FSHR: variants seen among roughly 807,000 people sequenced by gnomAD.
The protein encoded by FSHR is follicle stimulating hormone receptor, also known as follicle-stimulating hormone receptor.
In FSHR, 46 loss-of-function variants were observed where a neutral mutation model predicts 52.1. The observed-to-expected ratio is 0.88, with a 90% CI of 0.70 to 1.13. FSHR has a LOEUF of 1.13. FSHR is among the 50% of genes most tolerant of loss of function. The pLI is 0.00. For missense variants in FSHR, 964 were observed against 834.6 expected, an observed-to-expected ratio of 1.16 and a Z score of -1.91; for synonymous variants, 399 against 309.6, an observed-to-expected ratio of 1.29 and a Z score of -3.03.
At chr2:49,133,401 T>A (rs1672366565) in intron 1 of FSHR, among the ~76,000 whole-genome samples, 1 of 152,088 alleles carries the variant, frequency 6.6e-6, no homozygotes, top group African/African-American at 2.4e-5. Flanking sequence ...TACAAACCAC[T>A]GCTCAACGAA....
intron 1 of FSHR, among the ~76,000 whole-genome samples, chr2:49,129,506 A>G (rs933649360): frequency 2.6e-5 from 4 of 152,188 alleles, no homozygotes; most frequent in Non-Finnish European, 4.4e-5. Flanking sequence ...GAAGCACTCA[A>G]TCAGTCCTCA....
At chr2:49,103,364 T>TGA (rs1671103317) in intron 1 of FSHR, among the ~76,000 whole-genome samples, 2 of 152,096 alleles carry the variant, frequency 1.3e-5, no homozygotes, top group African/African-American at 4.8e-5. Context: ...CTGGCAAATC[T>TGA]CTCACAACAC....
At chr2:49,028,860 C>T (rs1668000681) in intron 2 of FSHR, among the ~76,000 whole-genome samples, 1 of 152,182 alleles carries the variant, frequency 6.6e-6, no homozygotes, top group Non-Finnish European at 1.5e-5. Flanking sequence ...AATACCAACC[C>T]AGACCACTCG....
intron 2 of FSHR, among the ~76,000 whole-genome samples, chr2:49,037,352 C>T (rs576440364): frequency 1.1e-4 from 17 of 152,306 alleles, no homozygotes; most frequent in African/African-American, 3.6e-4. Flanking sequence ...TATTTTCATA[C>T]CTACAGCATG....
chr2:49,124,103 C>T (rs552633921), intron 1 of FSHR, among the ~76,000 whole-genome samples: 10 of 151,672 alleles, frequency 6.6e-5, no homozygotes, highest in African/African-American at 2.4e-4. Context: ...AGGCAATTCT[C>T]TGTCTCAGCC....
intron 1 of FSHR, among the ~76,000 whole-genome samples, chr2:49,115,410 G>C (rs968037162): frequency 6.6e-6 from 1 of 152,064 alleles, no homozygotes; most frequent in African/African-American, 2.4e-5. Flanking sequence ...TGGAAAGATG[G>C]AAAAACGGCC....
At chr2:49,073,023 G>A (rs1036313482) in intron 1 of FSHR, among the ~76,000 whole-genome samples, 1 of 151,982 alleles carries the variant, frequency 6.6e-6, no homozygotes, top group Admixed American at 6.6e-5. Flanking sequence ...TATAGATAAA[G>A]GCATTATATT....
intron 9 of FSHR, 29 bp downstream of exon 9, chr2:48,968,669 C>G (rs1232320655): frequency 6.2e-7 from 1 of 1,612,192 alleles, no homozygotes; most frequent in African/African-American, 1.3e-5. Flanking sequence ...TGGGGAAATG[C>G]CTGAGCAGGG....
chr2:49,015,835 A>G (rs1215234841), intron 4 of FSHR, among the ~76,000 whole-genome samples: 1 of 152,172 alleles, frequency 6.6e-6, no homozygotes, highest in African/African-American at 2.4e-5. Context: ...AAGCATTTCA[A>G]GAAGGTAACA....
intron 2 of FSHR, among the ~76,000 whole-genome samples, chr2:49,058,350 C>T (rs1669144910): frequency 2.0e-5 from 3 of 152,028 alleles, no homozygotes; most frequent in African/African-American, 4.8e-5. Context: ...AGATTGAGAA[C>T]ATCCTGGCCA....
At chr2:49,098,230 A>G (rs1241575629) in intron 1 of FSHR, among the ~76,000 whole-genome samples, 1 of 152,206 alleles carries the variant, frequency 6.6e-6, no homozygotes, top group African/African-American at 2.4e-5. Flanking sequence ...ACTAAAATAC[A>G]AAGAAAAACA....
rs113007583 is a variant in FSHR at position 49,112,251 on chromosome 2, G to C, written c.152+42015C>G. Among the ~76,000 whole-genome samples the C allele has an allele frequency of 6.4e-3, 976 of 152,242 alleles. 3 individuals are homozygous for C. Among genetic ancestry groups the C allele is most frequent in the Non-Finnish European group, 0.011 (764 of 68,004 alleles). ...GGGTAATGTATATGCATTATTATAAGACAGTGAAGTTGTGTAAGGGAAATG... is the reference window on the plus strand; with the variant it reads ...GGGTAATGTATATGCATTATTATAACACAGTGAAGTTGTGTAAGGGAAATG... On this transcript the variant is annotated intron_variant, in intron 1 of 9. Coordinates refer to ENST00000406846, the MANE Select transcript of FSHR (RefSeq NM_000145.4).
rs535994306 is a variant in FSHR at position 48,962,936 on chromosome 2, A to T, written c.1885T>A (p.Phe629Ile). 50 of 1,614,170 alleles carry T rather than the reference A, an allele frequency of 3.1e-5. 1 individual carries two copies. In the South Asian group the frequency reaches 5.4e-4, roughly 17 times the overall value. ...AAATCTCTGCGAAAGTTTTTGGTAA[A>T]GATGGCATAGAGGAAGGGGTTGGCA... ...SCANPFLYAIFTKNFRRDFFI... is the reference protein window; with the variant it reads ...SCANPFLYAIITKNFRRDFFI... Residue 629 changes from phenylalanine to isoleucine, a missense_variant, in exon 10 of 10, where the codon TTT becomes ATT. By Grantham distance (21) the Phe-to-Ile change is conservative. Transcript: ENST00000406846.
chr2:49,114,097 C>T lies in FSHR; in HGVS notation c.152+40169G>A, dbSNP rs115581050. Among the ~76,000 whole-genome samples, 1,062 of 152,208 alleles carry T rather than the reference C, an allele frequency of 7.0e-3. 10 individuals carry two copies. Among genetic ancestry groups the T allele is most frequent in the African/African-American group, 0.023 (968 of 41,536 alleles). On this transcript the variant is annotated intron_variant, in intron 1 of 9. Transcript: ENST00000406846. Reference sequence around the variant, plus strand: ...GCCTCTCTCACTGAAGACTTGCTTCCCAGAAAATCCATCATCTTACTCCCC... The same window carrying T: ...GCCTCTCTCACTGAAGACTTGCTTCTCAGAAAATCCATCATCTTACTCCCC...
At chr2:49,151,140 TC>T (rs1303766912) in intron 1 of FSHR, among the ~76,000 whole-genome samples, 1 of 138,156 alleles carries the variant, frequency 7.2e-6, no homozygotes, top group Non-Finnish European at 1.5e-5. Context: ...AAAGGATTAC[TC>T]TTTTTTTTTT....
intron 2 of FSHR, among the ~76,000 whole-genome samples, chr2:49,052,204 C>T (rs1385088422): frequency 6.6e-6 from 1 of 151,946 alleles, no homozygotes; most frequent in Non-Finnish European, 1.5e-5. Flanking sequence ...CTCAAAACAC[C>T]CCATTTAATC....
At chr2:49,046,560 C>G (rs1014532958) in intron 2 of FSHR, among the ~76,000 whole-genome samples, 2 of 152,118 alleles carry the variant, frequency 1.3e-5, no homozygotes, top group East Asian at 1.9e-4. Flanking sequence ...CAGTTTCTGG[C>G]AAAATAATCA....
chr2:49,079,578 C>T (rs904355228), intron 1 of FSHR, among the ~76,000 whole-genome samples: 5 of 151,978 alleles, frequency 3.3e-5, no homozygotes, highest in Non-Finnish European at 5.9e-5. Flanking sequence ...ATAAAGAGCA[C>T]GGAAATAAAC....
intron 1 of FSHR, among the ~76,000 whole-genome samples, chr2:49,153,424 G>GAAAACAAAAC (rs70946851): frequency 1.3e-5 from 2 of 151,390 alleles, no homozygotes; most frequent in Non-Finnish European, 2.9e-5. Context: ...AGTGGGTTGG[G>GAAAACAAAAC]AAAACAAAAC....
Sources: allele counts gnomAD v4.1 joint callset (sites outside exome capture counted in the v4.1 genomes callset), GRCh38; gene constraint gnomAD v4.1.1; transcripts MANE v1.5; gene names NCBI Gene and HGNC (gene_info 2026-07-23, HGNC 2026-07-21).